The following GALNT17 variants were observed in gnomAD, a reference collection of about 807,000 sequenced individuals.
GALNT17 encodes the protein polypeptide N-acetylgalactosaminyltransferase 17.
A neutral mutation model predicts 63.7 loss-of-function variants in GALNT17; 29 were observed. That is an observed-to-expected ratio of 0.46 (90% CI 0.34 to 0.62). GALNT17 has a LOEUF of 0.62. Ranked by LOEUF, GALNT17 falls within the 20% of genes least tolerant of loss-of-function variation. The pLI, the probability that GALNT17 is intolerant of heterozygous loss-of-function variation, is 0.01. For synonymous variants in GALNT17, 305 were observed against 318.3 expected (o/e 0.96, Z 0.45); for missense variants, 603 against 799.6 (o/e 0.75, Z 2.97).
intron 6 of GALNT17, among the ~76,000 whole-genome samples, chr7:71,601,811 A>G (rs2116935743): frequency 6.6e-6 from 1 of 152,274 alleles, no homozygotes; most frequent in African/African-American, 2.4e-5. Context: ...TAAAATAAGA[A>G]AACTGAAAAT....
intron 9 of GALNT17, among the ~76,000 whole-genome samples, chr7:71,703,123 T>G (rs145864815): frequency 6.6e-6 from 1 of 152,342 alleles, no homozygotes; most frequent in East Asian, 1.9e-4. Context: ...AGAAAGTGAC[T>G]ACATATAGGA....
chr7:71,512,375 G>A (rs1788374996), intron 5 of GALNT17, among the ~76,000 whole-genome samples: 1 of 152,100 alleles, frequency 6.6e-6, no homozygotes, highest in African/African-American at 2.4e-5. Flanking sequence ...ACGTGACAGT[G>A]AGAGGTAGCC....
chr7:71,549,039 A>C (rs192494136), intron 5 of GALNT17, among the ~76,000 whole-genome samples: 1 of 152,270 alleles, frequency 6.6e-6, no homozygotes, highest in African/African-American at 2.4e-5. Flanking sequence ...CTTGCCAGCT[A>C]CTGGACCTGG....
chr7:71,137,383 C>A (rs1787805977), intron 1 of GALNT17, among the ~76,000 whole-genome samples: 1 of 152,116 alleles, frequency 6.6e-6, no homozygotes. Context: ...TCGTGATCCA[C>A]CCGCCTCGGC....
At chr7:71,658,043 C>T (rs1790855441) in intron 6 of GALNT17, among the ~76,000 whole-genome samples, 1 of 151,960 alleles carries the variant, frequency 6.6e-6, no homozygotes, top group African/African-American at 2.4e-5. Flanking sequence ...TAGATGAGAC[C>T]ACCGCCATGT....
chr7:71,295,588 C>T (rs994579124), intron 1 of GALNT17, among the ~76,000 whole-genome samples: 1 of 151,174 alleles, frequency 6.6e-6, no homozygotes, highest in Non-Finnish European at 1.5e-5. Context: ...TACCTTCCTT[C>T]CTACCTTCCT....
intron 6 of GALNT17, among the ~76,000 whole-genome samples, chr7:71,650,769 G>A (rs1402844095): frequency 6.6e-6 from 1 of 152,182 alleles, no homozygotes; most frequent in African/African-American, 2.4e-5. Flanking sequence ...ATAAGGGAGT[G>A]AATACAGTGT....
chr7:71,335,018 C>G (rs1791872819), intron 1 of GALNT17, among the ~76,000 whole-genome samples: 1 of 152,184 alleles, frequency 6.6e-6, no homozygotes. Flanking sequence ...CCAGTTCTGT[C>G]TCATTTCCTA....
chr7:71,656,734 A>C (rs1469607626), intron 6 of GALNT17, among the ~76,000 whole-genome samples: 1 of 152,180 alleles, frequency 6.6e-6, no homozygotes, highest in Non-Finnish European at 1.5e-5. Context: ...AAGAGGCATC[A>C]TCTGCAGGAC....
At chr7:71,361,877 G>A (rs1792408496) in intron 2 of GALNT17, among the ~76,000 whole-genome samples, 2 of 152,168 alleles carry the variant, frequency 1.3e-5, no homozygotes, top group South Asian at 4.1e-4. Flanking sequence ...TTGTTTATGT[G>A]ATTGAACTAC....
intron 5 of GALNT17, among the ~76,000 whole-genome samples, chr7:71,509,202 A>G (rs1320810255): frequency 5.9e-5 from 9 of 152,202 alleles, no homozygotes; most frequent in Non-Finnish European, 1.3e-4. Context: ...GCAACACTTT[A>G]TTATAAAATA....
At chr7:71,475,440 G>A (rs192506444) in intron 5 of GALNT17, among the ~76,000 whole-genome samples, 16 of 152,272 alleles carry the variant, frequency 1.1e-4, no homozygotes, top group Non-Finnish European at 1.5e-4. Flanking sequence ...TAAGGAGCGT[G>A]CAACCTAGAT....
chr7:71,450,278 G>C (rs943980827), intron 5 of GALNT17, among the ~76,000 whole-genome samples: 1 of 151,834 alleles, frequency 6.6e-6, no homozygotes, highest in African/African-American at 2.4e-5. Context: ...GGCATTACAG[G>C]CATGTGCCAC....
At chr7:71,262,073 G>T (rs1790395047) in intron 1 of GALNT17, among the ~76,000 whole-genome samples, 1 of 152,064 alleles carries the variant, frequency 6.6e-6, no homozygotes, top group Non-Finnish European at 1.5e-5. Context: ...AGAATGTCAG[G>T]ATGAATTGCC....
intron 1 of GALNT17, among the ~76,000 whole-genome samples, chr7:71,244,115 G>A (rs1025087944): frequency 6.6e-6 from 1 of 152,194 alleles, no homozygotes; most frequent in Non-Finnish European, 1.5e-5. Flanking sequence ...TGTGGATACA[G>A]AACTGCTCCA....
At chr7:71,347,839 T>C (rs1460466684) in intron 2 of GALNT17, among the ~76,000 whole-genome samples, 1 of 152,126 alleles carries the variant, frequency 6.6e-6, no homozygotes, top group Non-Finnish European at 1.5e-5. Flanking sequence ...AGTTGGAGGA[T>C]GGGCTCAGCT....
chr7:71,346,327 GTAA>G (rs1343786087), intron 2 of GALNT17, among the ~76,000 whole-genome samples: 1 of 152,076 alleles, frequency 6.6e-6, no homozygotes, highest in Non-Finnish European at 1.5e-5. Flanking sequence ...TGTCCAATGA[GTAA>G]TAATAATAAG....
At position 71,215,622 on chromosome 7, in the gene GALNT17, G is replaced by T. The variant is rs1035754721; in HGVS notation, c.238+82582G>T. Among the ~76,000 whole-genome samples the T allele has an allele frequency of 2.0e-5, 3 of 152,156 alleles. No homozygotes were observed. In the East Asian group the frequency reaches 5.8e-4, roughly 29 times the overall value. Reference sequence around the variant, plus strand: ...TCGCTCCCACCCCACAGACACCCTTGTTCGTCCTGGAGTATTTTAAAGCAA... The same window carrying T: ...TCGCTCCCACCCCACAGACACCCTTTTTCGTCCTGGAGTATTTTAAAGCAA... On this transcript the variant is annotated intron_variant, in intron 1 of 10. Coordinates refer to ENST00000333538, the MANE Select transcript of GALNT17 (RefSeq NM_022479.3).
intron 5 of GALNT17, among the ~76,000 whole-genome samples, chr7:71,512,354 T>C (rs1788374442): frequency 1.3e-5 from 2 of 152,092 alleles, no homozygotes; most frequent in African/African-American, 2.4e-5. Flanking sequence ...CTTTGCTCTC[T>C]GTGTCGTGAC....
Sources: gnomAD v4.1 joint callset for allele counts (sites outside exome capture counted in the v4.1 genomes callset) on GRCh38, gnomAD v4.1.1 for gene constraint, MANE v1.5 for transcripts, NCBI Gene and HGNC (gene_info 2026-07-23, HGNC 2026-07-21) for gene names.